TRIB2: variants seen among roughly 807,000 people sequenced by gnomAD.
The protein encoded by TRIB2 is tribbles pseudokinase 2.
In TRIB2, 2 loss-of-function variants were observed where a neutral mutation model predicts 26.8. That is an observed-to-expected ratio of 0.07 (90% confidence interval 0.03 to 0.24). The LOEUF (loss-of-function observed/expected upper bound fraction) is 0.24, where lower values mean the gene tolerates loss of function less well. TRIB2 is among the 10% of genes least tolerant of loss of function. TRIB2 has a pLI of 1.00. For missense variants in TRIB2, 306 were observed against 449.0 expected, an observed-to-expected ratio of 0.68 and a Z score of 2.88; for synonymous variants, 189 against 187.3, an observed-to-expected ratio of 1.01 and a Z score of -0.08.
chr2:12,724,071 CCGT>C (rs2103251132), intron 2 of TRIB2, among the ~76,000 whole-genome samples: 1 of 152,270 alleles, frequency 6.6e-6, no homozygotes, highest in Non-Finnish European at 1.5e-5. Context: ...GAATAGAGGT[CCGT>C]GCTGGGTGGG....
At chr2:12,735,910 G>A (rs962815960) in intron 2 of TRIB2, among the ~76,000 whole-genome samples, 1 of 152,160 alleles carries the variant, frequency 6.6e-6, no homozygotes, top group Non-Finnish European at 1.5e-5. Context: ...GGCAGCATGT[G>A]GGATGGTCTT....
intron 2 of TRIB2, among the ~76,000 whole-genome samples, chr2:12,735,388 G>A (rs1452655376): frequency 1.3e-5 from 2 of 152,118 alleles, no homozygotes; most frequent in Non-Finnish European, 2.9e-5. Flanking sequence ...CACTGGGGAA[G>A]CACACGTACA....
rs1193019752 is a variant in TRIB2 at position 12,724,727 on chromosome 2, C to T, written c.563+1175C>T. The T allele has an allele frequency of 4.3e-6, 7 of 1,612,768 alleles. No individual in the cohort carries two copies. The Admixed American group carries it at 1.2e-4, about 27-fold the overall frequency. ...TCCTTCGTCTGTTTCCACCCTCCCC[C>T]TACCAGCCTCATATTTCTCCTTCTG... On this transcript the variant is annotated intron_variant, in intron 2 of 2. Coordinates refer to ENST00000155926, the MANE Select transcript of TRIB2 (RefSeq NM_021643.4).
chr2:12,734,894 T>C (rs1661534570), intron 2 of TRIB2, among the ~76,000 whole-genome samples: 1 of 152,194 alleles, frequency 6.6e-6, no homozygotes. Context: ...ATTGCAAGAC[T>C]GTTCATTCAT....
Position 12,742,192 on chromosome 2 carries a change from T to C in TRIB2, c.*1398T>C, listed in dbSNP as rs1661723885. ...AATGTTTTTTATTACGGCTTTTCTA[T>C]TGCTGTATGATACAGAACTCTTTTG... On this transcript the variant is annotated 3_prime_UTR_variant, in exon 3 of 3. Coordinates refer to ENST00000155926, the MANE Select transcript of TRIB2 (RefSeq NM_021643.4). 1 of 152,694 alleles carries C rather than the reference T, an allele frequency of 6.5e-6. No homozygotes were observed. Among genetic ancestry groups the C allele is most frequent in the African/African-American group, 2.4e-5 (1 of 41,474 alleles). 9.5% of individuals were successfully genotyped at this position (152,694 alleles called of 1,614,324 possible). A position where few individuals can be genotyped will look rare whatever the true frequency, so the allele number is the denominator to read the frequency against.
intron 2 of TRIB2, among the ~76,000 whole-genome samples, chr2:12,725,952 G>A (rs1202200358): frequency 1.3e-5 from 2 of 152,186 alleles, no homozygotes; most frequent in Non-Finnish European, 2.9e-5. Context: ...GATCAGTGAG[G>A]TTACTTGGCC....
Position 12,718,669 on chromosome 2 carries a change from C to A in TRIB2, c.270+92C>A. The A allele has an allele frequency of 6.7e-7, 1 of 1,481,892 alleles. No individual in the cohort carries two copies. Among genetic ancestry groups the A allele is most frequent in the Non-Finnish European group, 9.1e-7 (1 of 1,097,482 alleles). 91.8% of individuals were successfully genotyped at this position (1,481,892 alleles called of 1,614,324 possible). On this transcript the variant is annotated intron_variant, in intron 1 of 2. Coordinates refer to ENST00000155926, the MANE Select transcript of TRIB2 (RefSeq NM_021643.4). The surrounding 1 kb of genome is among the most constrained non-coding windows in gnomAD (Gnocchi z 4.0). ...CTCGAGTCTGGGAGAGGGAGATTCG[C>A]GGGATAATTACCGTGGCCTTATTAA...
At chr2:12,724,904 A>T (rs1014492530) in intron 2 of TRIB2, 1 of 1,504,600 alleles carries the variant, frequency 6.6e-7, no homozygotes, top group Non-Finnish European at 8.9e-7. Context: ...TGTATGTTCC[A>T]CCTTTCTTGG....
chr2:12,723,490 T>C lies in TRIB2; in HGVS notation c.501T>C (p.His167=), dbSNP rs114874345. ...TTGCCTCGGCAGTGGCCCACTGCCA[T>C]GACGGGGGGCTGGTGCTGCGGGACC... The part of the protein sequence containing the change: ...YQIASAVAHC[H]DGGLVLRDLK... The change falls in exon 2 of 3, where the codon CAT becomes CAC. Residue 167 remains histidine (H), a synonymous_variant. Coordinates refer to ENST00000155926, the MANE Select transcript of TRIB2 (RefSeq NM_021643.4). The C allele has an allele frequency of 7.0e-4, 1,126 of 1,614,180 alleles. 9 individuals carry two copies. In the African/African-American group the frequency reaches 0.012, roughly 18 times the overall value.
chr2:12,731,565 C>T (rs188729291), intron 2 of TRIB2, among the ~76,000 whole-genome samples: 24 of 152,240 alleles, frequency 1.6e-4, no homozygotes, highest in African/African-American at 5.5e-4. Flanking sequence ...GGGTTTAAAC[C>T]CGACACTTTT....
Position 12,741,602 on chromosome 2 carries a change from T to G in TRIB2, c.*808T>G, listed in dbSNP as rs1426698063. The G allele has an allele frequency of 6.6e-6, 1 of 152,266 alleles. No homozygotes were observed. Among genetic ancestry groups the G allele is most frequent in the African/African-American group, 2.4e-5 (1 of 41,450 alleles). 9.4% of individuals were successfully genotyped at this position (152,266 alleles called of 1,614,324 possible). On this transcript the variant is annotated 3_prime_UTR_variant, in exon 3 of 3. Transcript: ENST00000155926. ...AGGAAAAGAGAAATCCAACTCCTTT[T>G]TCATGTTTTGCTTTTGAACAATGAG...
chr2:12,720,074 C>T (rs1183041720), intron 1 of TRIB2, among the ~76,000 whole-genome samples: 1 of 152,178 alleles, frequency 6.6e-6, no homozygotes, highest in African/African-American at 2.4e-5. Flanking sequence ...AACTTCAGTA[C>T]AGCATTTTAA....
At chr2:12,726,718 T>A (rs2103252829) in intron 2 of TRIB2, among the ~76,000 whole-genome samples, 1 of 152,362 alleles carries the variant, frequency 6.6e-6, no homozygotes, top group African/African-American at 2.4e-5. Flanking sequence ...GCTTTATTCA[T>A]CTTCTGACCA....
intron 2 of TRIB2, among the ~76,000 whole-genome samples, chr2:12,736,285 A>C (rs1285683649): frequency 6.6e-6 from 1 of 152,132 alleles, no homozygotes; most frequent in African/African-American, 2.4e-5. Flanking sequence ...GACTGGGGTC[A>C]AGCAGGGCAT....
rs986884688 is a variant in TRIB2, at chr2:12,717,306, G to C, written c.-1002G>C. 2.8e-5 allele frequency: 11 copies of C among 398,248 alleles called. No homozygotes were observed. The highest frequency in any genetic ancestry group is 4.9e-5 in the Non-Finnish European group (11 of 225,890). The allele number at this position is 398,248 out of a possible 1,614,324, so 24.7% of individuals were successfully genotyped here. On this transcript the variant is annotated 5_prime_UTR_variant, in exon 1 of 3. Transcript: ENST00000155926. This position sits in a 1 kb window ranked among gnomAD's most constrained non-coding sequence, Gnocchi z 4.8. ...GGCAAAGGAACGCCGCGCGTTGGAA[G>C]GGCCAGGGACGCAGCTCCCCTTGCA... is the stretch of plus-strand genomic sequence containing the variant.
At chr2:12,726,109 C>A (rs1661335515) in intron 2 of TRIB2, among the ~76,000 whole-genome samples, 1 of 152,230 alleles carries the variant, frequency 6.6e-6, no homozygotes, top group South Asian at 2.1e-4. Context: ...AGGAACATGA[C>A]AAGTGTCTGT....
chr2:12,723,104 A>G (rs896373496), intron 1 of TRIB2, among the ~76,000 whole-genome samples, 156 bp from the exon 2 acceptor site: 3 of 152,160 alleles, frequency 2.0e-5, no homozygotes, highest in African/African-American at 7.2e-5. Flanking sequence ...TTAGTGCCAC[A>G]CAGCTGGTAG....
intron 2 of TRIB2, among the ~76,000 whole-genome samples, chr2:12,733,925 T>C (rs1661514065): frequency 6.6e-6 from 1 of 152,144 alleles, no homozygotes; most frequent in Non-Finnish European, 1.5e-5. Context: ...CCTGTGCTGT[T>C]CCACAGATGC....
chr2:12,739,778 G>A (rs1661671760), intron 2 of TRIB2, among the ~76,000 whole-genome samples: 1 of 152,226 alleles, frequency 6.6e-6, no homozygotes, highest in Non-Finnish European at 1.5e-5. Context: ...ATTCTCATCT[G>A]TAAAATGGGA....
Sources: allele counts gnomAD v4.1 joint callset (sites outside exome capture counted in the v4.1 genomes callset), GRCh38; gene constraint gnomAD v4.1.1; non-coding constraint Gnocchi (gnomAD v3.1); transcripts MANE v1.5; gene names NCBI Gene and HGNC (gene_info 2026-07-23, HGNC 2026-07-21).